The following PLA2G4C variants were observed in gnomAD, a reference collection of about 807,000 sequenced individuals.
PLA2G4C encodes cytosolic phospholipase A2 gamma.
In PLA2G4C, 64 loss-of-function variants were observed where a neutral mutation model predicts 73.8. The observed-to-expected ratio is 0.87, with a 90% CI of 0.71 to 1.07. The LOEUF (loss-of-function observed/expected upper bound fraction) is 1.07. PLA2G4C is among the 50% of genes least tolerant of loss of function. The probability of loss-of-function intolerance (pLI) is 0.00; values close to 1 mark genes in which losing one functional copy is unlikely to be tolerated. For missense variants in PLA2G4C, 622 were observed against 665.4 expected (o/e 0.93, Z 0.72); for synonymous variants, 254 against 252.1 (o/e 1.01, Z -0.07).
rs1967873003 is a variant in PLA2G4C, at chr19:48,054,883, C to T, written c.1424G>A (p.Cys475Tyr). The T allele has an allele frequency of 6.2e-7, 1 of 1,613,916 alleles. No individual in the cohort carries two copies. The highest frequency in any genetic ancestry group is 1.7e-5 in the Admixed American group (1 of 59,990). The change falls in exon 15 of 17, where the codon TGT becomes TAT. Residue 475 changes from cysteine to tyrosine, a missense_variant. By Grantham distance (194) the Cys-to-Tyr change is radical. Transcript: ENST00000599921. ...MHFPLFNIDA[C>Y]GGDIEAWSDT... ...TGCTCCTCCCCTGCACCTACCTCCA[C>T]AGGCATCTATGTTGAACAGGGGAAA...
At chr19:48,095,889 G>A (rs1245369023) in intron 6 of PLA2G4C, among the ~76,000 whole-genome samples, 1 of 152,176 alleles carries the variant, frequency 6.6e-6, no homozygotes, top group Non-Finnish European at 1.5e-5. Context: ...CAACTCCATG[G>A]AATCCTGGAG....
rs1221514863 is a variant in PLA2G4C at position 48,077,751 on chromosome 19, T to C, written c.898+20A>G. ...AGTCCACACTATCATTAGGGATTCATGGCAAAGTAGGATGCTTACCTTCTG... is the reference window on the plus strand; with the variant it reads ...AGTCCACACTATCATTAGGGATTCACGGCAAAGTAGGATGCTTACCTTCTG... On this transcript the variant is annotated intron_variant, in intron 11 of 16. Transcript: ENST00000599921. 3.1e-6 allele frequency: 5 copies of C among 1,590,484 alleles called. No homozygotes were observed. The highest frequency in any genetic ancestry group is 1.1e-5 in the South Asian group (1 of 88,958).
chr19:48,074,687 C>G, intron 12 of PLA2G4C, 80 bp downstream of exon 12: 1 of 938,920 alleles, frequency 1.1e-6, no homozygotes, highest in Non-Finnish European at 1.8e-6. Flanking sequence ...GACTGGCCCA[C>G]AGGGGTGGGG....
At position 48,110,531 on chromosome 19, in the gene PLA2G4C, T is replaced by TGTTCCGGAATCCGGTGCGGAGGCTTGG; in HGVS notation, c.-78_-77insCCAAGCCTCCGCACCGGATTCCGGAAC. On this transcript the variant is annotated 5_prime_UTR_variant, in exon 1 of 17. Coordinates refer to ENST00000599921, the MANE Select transcript of PLA2G4C (RefSeq NM_003706.3). ...GTGTGCGCATGCGCGGTGGAGCTTG[T>TGTTCCGGAATCCGGTGCGGAGGCTTGG]GCTCCGGAATCCGGTGCGGAGGCTT... 2 of 1,386,156 alleles carry TGTTCCGGAATCCGGTGCGGAGGCTTGG rather than the reference T, an allele frequency of 1.4e-6. No homozygotes were observed. Among genetic ancestry groups the TGTTCCGGAATCCGGTGCGGAGGCTTGG allele is most frequent in the Admixed American group, 2.3e-5 (1 of 44,352 alleles). 85.9% of individuals were successfully genotyped at this position (1,386,156 alleles called of 1,614,324 possible). A position where few individuals can be genotyped will look rare whatever the true frequency, so the allele number is the denominator to read the frequency against.
At chr19:48,079,926 A>C (rs2030432120) in intron 10 of PLA2G4C, among the ~76,000 whole-genome samples, 1 of 152,270 alleles carries the variant, frequency 6.6e-6, no homozygotes, top group Non-Finnish European at 1.5e-5. Flanking sequence ...GTGCTGCTGC[A>C]CTGAAGCCTG....
At chr19:48,067,674 C>A (rs115633925) in intron 13 of PLA2G4C, 117 bp downstream of exon 13, 4 of 748,078 alleles carry the variant, frequency 5.3e-6, no homozygotes, top group Admixed American at 1.9e-5. Context: ...ACACCACCCC[C>A]CTCCAAAGCT....
chr19:48,088,272 T>C (rs2031098690), intron 9 of PLA2G4C, among the ~76,000 whole-genome samples: 1 of 151,766 alleles, frequency 6.6e-6, no homozygotes, highest in African/African-American at 2.4e-5. Context: ...AGACTCCCTA[T>C]ATCCAAGGAA....
intron 10 of PLA2G4C, among the ~76,000 whole-genome samples, chr19:48,083,428 TTTTC>T (rs2030760450): frequency 7.1e-6 from 1 of 140,526 alleles, no homozygotes; most frequent in African/African-American, 2.9e-5. Flanking sequence ...CATTTCTTTT[TTTTC>T]TTTTTCTTTT....
chr19:48,055,034 T>C lies in PLA2G4C; in HGVS notation c.1273A>G (p.Thr425Ala). 6.2e-7 allele frequency: 1 copy of C among 1,609,432 alleles called. No homozygotes were observed. Among genetic ancestry groups the C allele is most frequent in the Non-Finnish European group, 8.5e-7 (1 of 1,178,184 alleles). Reference sequence around the variant, plus strand: ...ATCTTGTGGCGGCGGCAGTAGTCAGTGGTAGCCCGGATGGTCTGAGAAGGA... The same window carrying C: ...ATCTTGTGGCGGCGGCAGTAGTCAGCGGTAGCCCGGATGGTCTGAGAAGGA... Reference protein sequence around the residue: ...GDPFETIRATTDYCRRHKIPF... With the variant: ...GDPFETIRATADYCRRHKIPF... The change falls in exon 15 of 17, where the codon ACT (threonine) becomes GCT (alanine). Residue 425 changes from threonine to alanine, a missense_variant. By Grantham distance (58) the Thr-to-Ala change is moderately conservative. Coordinates refer to ENST00000599921, the MANE Select transcript of PLA2G4C (RefSeq NM_003706.3).
At chr19:48,087,505 T>A (rs1019389102) in intron 9 of PLA2G4C, among the ~76,000 whole-genome samples, 1 of 152,090 alleles carries the variant, frequency 6.6e-6, no homozygotes, top group Non-Finnish European at 1.5e-5. Flanking sequence ...ACACCAACAT[T>A]CCTACAGATG....
At position 48,105,933 on chromosome 19, in the gene PLA2G4C, CCCTCCCTCCCTCCCTTCTTT is replaced by C. The variant is rs1568457552; in HGVS notation, c.9-509_9-490del. Among the ~76,000 whole-genome samples the C allele has an allele frequency of 3.9e-4, 5 of 12,878 alleles. 1 individual carries two copies. Among genetic ancestry groups the C allele is most frequent in the South Asian group, 4.0e-3 (1 of 250 alleles). The allele number at this position is 12,878 out of a possible 152,430, so 8.4% of individuals were successfully genotyped here. A position where few individuals can be genotyped will look rare whatever the true frequency, so the allele number is the denominator to read the frequency against. On this transcript the variant is annotated intron_variant, in intron 2 of 16. Transcript: ENST00000599921. ...TCCCTCCCTCCCTCCCTCCCTCCCT[CCCTCCCTCCCTCCCTTCTTT>C]CTTTCTTTCTTTCTTTCTTTCTTTC...
chr19:48,052,056 T>C (rs1967748540), intron 16 of PLA2G4C: 1 of 151,780 alleles, frequency 6.6e-6, no homozygotes, highest in Admixed American at 6.6e-5. Context: ...ATTTTTAAAA[T>C]TATTTGTAGA....
chr19:48,106,620 T>A, intron 1 of PLA2G4C, 59 bp from the exon 2 acceptor site: 1 of 1,394,498 alleles, frequency 7.2e-7, no homozygotes, highest in Non-Finnish European at 1.0e-6. Context: ...GCAAAGACAG[T>A]GGGGGAGGGC....
intron 9 of PLA2G4C, among the ~76,000 whole-genome samples, chr19:48,085,463 G>T (rs1411319678): frequency 6.6e-6 from 1 of 152,196 alleles, no homozygotes; most frequent in Non-Finnish European, 1.5e-5. Flanking sequence ...CTCCCTTGCA[G>T]CTAGAGGGAG....
intron 10 of PLA2G4C, among the ~76,000 whole-genome samples, chr19:48,081,700 G>A (rs551733495): frequency 2.2e-4 from 33 of 151,726 alleles, no homozygotes; most frequent in Middle Eastern, 3.4e-3. Flanking sequence ...TGGAGGTTGC[G>A]GTGAGCAGAG....
Position 48,052,935 on chromosome 19 carries a change from T to G in PLA2G4C, c.1580+62A>C, listed in dbSNP as rs1391734625. On this transcript the variant is annotated intron_variant, in intron 16 of 16. Transcript: ENST00000599921. ...ACCCTCCTGCCTGTTGCAGAGAAAG[T>G]TCTCCAACAGATACTTACTGAACGA... The G allele has an allele frequency of 5.9e-6, 9 of 1,531,898 alleles. No individual in the cohort carries two copies. In the Admixed American group the frequency reaches 1.5e-4, roughly 26 times the overall value. The allele number at this position is 1,531,898 out of a possible 1,614,324, so 94.9% of individuals were successfully genotyped here. A position where few individuals can be genotyped will look rare whatever the true frequency, so the allele number is the denominator to read the frequency against.
chr19:48,069,391 G>A (rs1255894919), intron 12 of PLA2G4C, among the ~76,000 whole-genome samples: 1 of 152,090 alleles, frequency 6.6e-6, no homozygotes, highest in African/African-American at 2.4e-5. Context: ...ACTTTCCCGT[G>A]CTCCCTTCCC....
chr19:48,098,296 A>G, intron 5 of PLA2G4C, 37 bp from the exon 6 acceptor site: 1 of 1,584,246 alleles, frequency 6.3e-7, no homozygotes, highest in African/African-American at 1.4e-5. Context: ...TGAGGGAGGC[A>G]TGTGGGTCCC....
intron 6 of PLA2G4C, among the ~76,000 whole-genome samples, chr19:48,097,558 TG>T (rs890135147): frequency 2.6e-5 from 4 of 151,300 alleles, no homozygotes; most frequent in African/African-American, 7.3e-5. Flanking sequence ...GGCCCCTTTT[TG>T]TCTTTTGTCC....
Sources: gnomAD v4.1 joint callset for allele counts (sites outside exome capture counted in the v4.1 genomes callset) on GRCh38, gnomAD v4.1.1 for gene constraint, MANE v1.5 for transcripts, NCBI Gene and HGNC (gene_info 2026-07-23, HGNC 2026-07-21) for gene names.